Variants in GALNT10 observed in about 807,000 individuals in gnomAD.
GALNT10 encodes polypeptide N-acetylgalactosaminyltransferase 10, also known as GalNAc transferase 10.
Under a neutral mutation model 75.0 loss-of-function variants are expected in GALNT10, and 41 were observed. That is an observed-to-expected ratio of 0.55 (90% CI 0.43 to 0.71). The LOEUF is 0.71. GALNT10 is among the 30% of genes least tolerant of loss of function. The pLI, the probability that GALNT10 is intolerant of heterozygous loss-of-function variation, is 0.00. For synonymous variants in GALNT10, 302 were observed against 313.0 expected (o/e 0.96, Z 0.37); for missense variants, 727 against 818.5 (o/e 0.89, Z 1.36).
intron 1 of GALNT10, among the ~76,000 whole-genome samples, chr5:154,223,351 C>G (rs559377935): frequency 6.6e-6 from 1 of 152,216 alleles, no homozygotes; most frequent in Admixed American, 6.5e-5. Context: ...TTCCCCAGTT[C>G]GTACAGCTAG....
At chr5:154,232,110 A>G (rs888671900) in intron 1 of GALNT10, among the ~76,000 whole-genome samples, 7 of 152,354 alleles carry the variant, frequency 4.6e-5, no homozygotes, top group African/African-American at 1.2e-4. Context: ...TAAAGGAAAG[A>G]TATTATAAGC....
chr5:154,340,276 G>A (rs1755013032), intron 4 of GALNT10, among the ~76,000 whole-genome samples: 1 of 152,138 alleles, frequency 6.6e-6, no homozygotes, highest in African/African-American at 2.4e-5. Flanking sequence ...ATGCGACACA[G>A]CACCTATATA....
intron 3 of GALNT10, among the ~76,000 whole-genome samples, chr5:154,319,570 T>C (rs1301926442): frequency 1.3e-5 from 2 of 152,142 alleles, no homozygotes; most frequent in African/African-American, 4.8e-5. Flanking sequence ...ATGGTACAGA[T>C]TAGAGGAGAG....
rs1347157993 is a variant in GALNT10 at position 154,215,973 on chromosome 5, T to G, written c.159+24948T>G. Among the ~76,000 whole-genome samples, 62 of 152,332 alleles carry G rather than the reference T, an allele frequency of 4.1e-4. 1 individual carries two copies. Among genetic ancestry groups the G allele is most frequent in the Admixed American group, 4.1e-3 (62 of 15,308 alleles). ...AAGATTTATTTGAAAAGGTAGAGTT[T>G]GTGGCAGTAATTGTTACCTTCTCTT... On this transcript the variant is annotated intron_variant, in intron 1 of 11. Transcript: ENST00000297107.
chr5:154,343,816 C>T lies in GALNT10; in HGVS notation c.568+14078C>T, dbSNP rs550841690. 4.6e-5 allele frequency among the ~76,000 whole-genome samples: 7 copies of T among 152,264 alleles called. No homozygotes were observed. The South Asian group carries it at 1.2e-3, about 27-fold the overall frequency. On this transcript the variant is annotated intron_variant, in intron 4 of 11. Transcript: ENST00000297107. ...TAAAACTCACCCATGAACATTTTTG[C>T]CCTCAAAATCCTTCCTCAATATGAG...
At position 154,394,243 on chromosome 5, in the gene GALNT10, G is replaced by A. The variant is rs139789375; in HGVS notation, c.1056+7813G>A. ...GGTAGAGGAATGAAGACTCAGAGGA[G>A]ACTGGGGTTCGCTTTGTGTGATACT... is the stretch of plus-strand genomic sequence containing the variant. On this transcript the variant is annotated intron_variant, in intron 7 of 11. Transcript: ENST00000297107. 6.4e-3 allele frequency among the ~76,000 whole-genome samples: 958 copies of A among 150,612 alleles called. 9 individuals carry two copies. Among genetic ancestry groups the A allele is most frequent in the African/African-American group, 0.022 (899 of 40,964 alleles).
At chr5:154,287,336 G>C (rs904500589) in intron 1 of GALNT10, 1 of 152,136 alleles carries the variant, frequency 6.6e-6, no homozygotes, top group Admixed American at 6.5e-5. Flanking sequence ...CAGGCTCCTT[G>C]CCCTTAAGTA....
At chr5:154,304,804 C>T (rs956956108) in intron 3 of GALNT10, among the ~76,000 whole-genome samples, 2 of 152,114 alleles carry the variant, frequency 1.3e-5, no homozygotes, top group Non-Finnish European at 2.9e-5. Flanking sequence ...AATCTGGTAT[C>T]GTAAGGTTCT....
intron 1 of GALNT10, among the ~76,000 whole-genome samples, chr5:154,274,551 A>G (rs1753921012): frequency 1.3e-5 from 2 of 152,308 alleles, no homozygotes; most frequent in East Asian, 1.9e-4. Flanking sequence ...GTGGGTCACC[A>G]TCATCGTCAC....
intron 1 of GALNT10, among the ~76,000 whole-genome samples, chr5:154,272,755 G>A (rs95397): frequency 0.29 from 43,671 of 152,092 alleles, 7,053 homozygotes; most frequent in African/African-American, 0.44. Flanking sequence ...ATTGCCTAGC[G>A]CAGAGCCTGG....
intron 8 of GALNT10, among the ~76,000 whole-genome samples, chr5:154,408,286 A>G (rs1756324735): frequency 6.6e-6 from 1 of 152,212 alleles, no homozygotes; most frequent in Non-Finnish European, 1.5e-5. Context: ...TGAGGTGCAA[A>G]TGACTGATAA....
In GALNT10 at chr5:154,397,726, C is replaced by T. The variant is rs550471675; in HGVS notation, c.1057-6378C>T. On this transcript the variant is annotated intron_variant, in intron 7 of 11. Coordinates refer to ENST00000297107, the MANE Select transcript of GALNT10 (RefSeq NM_198321.4). ...TAGGGGTCCTCAGCTGAGATGCCAACGGCAAAAGCCGTGGCCAGCTGCCAG... is the reference window on the plus strand; with the variant it reads ...TAGGGGTCCTCAGCTGAGATGCCAATGGCAAAAGCCGTGGCCAGCTGCCAG... Among the ~76,000 whole-genome samples the T allele has an allele frequency of 7.2e-5, 11 of 152,328 alleles. No individual in the cohort carries two copies. The East Asian group carries it at 9.7e-4, about 13-fold the overall frequency.
chr5:154,228,738 TTGCG>T (rs1753102363), intron 1 of GALNT10, among the ~76,000 whole-genome samples: 2 of 152,358 alleles, frequency 1.3e-5, no homozygotes, highest in African/African-American at 4.8e-5. Context: ...AACTCCCACC[TTGCG>T]TGGACTCTGG....
At chr5:154,343,297 T>C (rs1475993384) in intron 4 of GALNT10, among the ~76,000 whole-genome samples, 1 of 151,786 alleles carries the variant, frequency 6.6e-6, no homozygotes, top group Non-Finnish European at 1.5e-5. Context: ...ATGAGAACAG[T>C]CCCCTCATTT....
intron 1 of GALNT10, among the ~76,000 whole-genome samples, chr5:154,216,215 A>G (rs191811815): frequency 3.5e-4 from 53 of 152,228 alleles, no homozygotes; most frequent in African/African-American, 1.1e-3. Context: ...CATTGTTTCA[A>G]ATTGTTAGCT....
At chr5:154,308,203 T>C (rs1055988636) in intron 3 of GALNT10, among the ~76,000 whole-genome samples, 1 of 151,888 alleles carries the variant, frequency 6.6e-6, no homozygotes, top group African/African-American at 2.4e-5. Context: ...AAGGGATTTG[T>C]TACCATGGTT....
At chr5:154,302,657 T>C (rs1754377876) in intron 3 of GALNT10, among the ~76,000 whole-genome samples, 1 of 152,236 alleles carries the variant, frequency 6.6e-6, no homozygotes, top group South Asian at 2.1e-4. Context: ...TATCCTGACC[T>C]GCTTTCTCCA....
At chr5:154,367,278 T>C (rs907467790) in intron 4 of GALNT10, among the ~76,000 whole-genome samples, 1 of 152,242 alleles carries the variant, frequency 6.6e-6, no homozygotes, top group Non-Finnish European at 1.5e-5. Flanking sequence ...TCTGTGAGAC[T>C]ACCTCAGCAT....
rs1756188414 is a variant in GALNT10, at chr5:154,402,429, C to T, written c.1057-1675C>T. 6.6e-6 allele frequency among the ~76,000 whole-genome samples: 1 copy of T among 152,244 alleles called. No individual in the cohort carries two copies. The highest frequency in any genetic ancestry group is 2.4e-5 in the African/African-American group (1 of 41,466). ...CTGGGGAGCATAAAGTAGCATCTCT[C>T]ACATCCCATACACCCCTACAACGAA... On this transcript the variant is annotated intron_variant, in intron 7 of 11. Transcript: ENST00000297107. The surrounding 1 kb of genome is among the most constrained non-coding windows in gnomAD (Gnocchi z 4.2).
Sources: allele counts gnomAD v4.1 joint callset (sites outside exome capture counted in the v4.1 genomes callset), GRCh38; gene constraint gnomAD v4.1.1; non-coding constraint Gnocchi (gnomAD v3.1); transcripts MANE v1.5; gene names NCBI Gene and HGNC (gene_info 2026-07-23, HGNC 2026-07-21).